PPARD: variants seen among roughly 807,000 people sequenced by gnomAD.
PPARD encodes the protein peroxisome proliferator activated receptor delta.
In PPARD, 6 loss-of-function variants were observed where a neutral mutation model predicts 39.5. The ratio of observed to expected loss-of-function variants is 0.15; its 90% CI spans 0.08 to 0.30. The LOEUF is 0.30. PPARD is among the 10% of genes least tolerant of loss of function. The pLI is 1.00. For synonymous variants in PPARD, 210 were observed against 231.3 expected, an observed-to-expected ratio of 0.91 and a Z score of 0.83; for missense variants, 397 against 596.8, an observed-to-expected ratio of 0.67 and a Z score of 3.49.
chr6:35,372,121 G>T (rs1762510770), intron 2 of PPARD, among the ~76,000 whole-genome samples: 2 of 152,234 alleles, frequency 1.3e-5, no homozygotes, highest in African/African-American at 4.8e-5. Flanking sequence ...ATGGATTGTT[G>T]TGAGAATTAG....
intron 2 of PPARD, among the ~76,000 whole-genome samples, chr6:35,387,879 G>A (rs921579360): frequency 2.0e-5 from 3 of 151,418 alleles, no homozygotes; most frequent in East Asian, 1.9e-4. Flanking sequence ...CCACCACCAC[G>A]CCTGGCTCAT....
intron 2 of PPARD, among the ~76,000 whole-genome samples, chr6:35,408,817 T>C (rs925042995): frequency 6.6e-6 from 1 of 152,250 alleles, no homozygotes; most frequent in Non-Finnish European, 1.5e-5. Flanking sequence ...TTGCAGAGAT[T>C]GTACAGAGTC....
intron 5 of PPARD, among the ~76,000 whole-genome samples, chr6:35,423,551 GAAAAA>G (rs1349985119): frequency 6.6e-6 from 1 of 151,272 alleles, no homozygotes; most frequent in African/African-American, 2.4e-5. Context: ...AAAAAGAAAA[GAAAAA>G]GAAAAGTGAA....
At chr6:35,377,903 C>T (rs902240352) in intron 2 of PPARD, among the ~76,000 whole-genome samples, 4 of 110,830 alleles carry the variant, frequency 3.6e-5, no homozygotes, top group South Asian at 2.7e-4. Flanking sequence ...GTTGCTCTGT[C>T]GCCAGGCTGG....
At chr6:35,416,672 G>C (rs1171272724) in intron 3 of PPARD, among the ~76,000 whole-genome samples, 1 of 152,196 alleles carries the variant, frequency 6.6e-6, no homozygotes, top group East Asian at 1.9e-4. Flanking sequence ...ACATCATGAT[G>C]CGGGGGAAGT....
chr6:35,424,933 C>G lies in PPARD; in HGVS notation c.1078+154C>G, dbSNP rs899918068. 6.2e-6 allele frequency: 9 copies of G among 1,442,648 alleles called. No homozygotes were observed. The African/African-American group carries it at 1.3e-4, about 21-fold the overall frequency. The allele number at this position is 1,442,648 out of a possible 1,614,324, so 89.4% of individuals were successfully genotyped here. A position where few individuals can be genotyped will look rare whatever the true frequency, so the allele number is the denominator to read the frequency against. Reference sequence around the variant, plus strand: ...ACATGCAAGGCACTGACTGAGCATGCAGGATCAGCTCCATCTCATTATGTA... The same window carrying G: ...ACATGCAAGGCACTGACTGAGCATGGAGGATCAGCTCCATCTCATTATGTA... On this transcript the variant is annotated intron_variant, in intron 7 of 7. Transcript: ENST00000360694. The surrounding 1 kb of genome is among the most constrained non-coding windows in gnomAD (Gnocchi z 7.1).
intron 2 of PPARD, among the ~76,000 whole-genome samples, chr6:35,347,620 G>A (rs1420754632): frequency 4.0e-5 from 6 of 151,686 alleles, no homozygotes; most frequent in Non-Finnish European, 7.4e-5. Flanking sequence ...TTGTTTGTTT[G>A]TTTTTGAGAC....
intron 1 of PPARD, among the ~76,000 whole-genome samples, chr6:35,342,977 C>G (rs1274528613): frequency 6.6e-6 from 1 of 152,252 alleles, no homozygotes; most frequent in African/African-American, 2.4e-5. Context: ...ACTCTTTGCC[C>G]CCTCTTGGGC....
Position 35,427,755 on chromosome 6 carries a change from A to C in PPARD, c.*1676A>C, listed in dbSNP as rs969577285. ...GGTAGGAGAACTGGGGTTCAAGCCC[A>C]GGCTTCCTGGGTCCTGCCTGGTCCT... On this transcript the variant is annotated 3_prime_UTR_variant, in exon 8 of 8. Coordinates refer to ENST00000360694, the MANE Select transcript of PPARD (RefSeq NM_006238.5). 1 of 152,552 alleles carries C rather than the reference A, an allele frequency of 6.6e-6. No homozygotes were observed. The highest frequency in any genetic ancestry group is 2.4e-5 in the African/African-American group (1 of 41,468). The allele number at this position is 152,552 out of a possible 1,614,324, so 9.4% of individuals were successfully genotyped here. A position where few individuals can be genotyped will look rare whatever the true frequency, so the allele number is the denominator to read the frequency against.
In PPARD at chr6:35,380,476, G is replaced by GTTTTTTTTTTTTTTTTTTT. The variant is rs71002557; in HGVS notation, c.-101-30499_-101-30481dup. ...AACCTCGTGTTTTTTTTTTTTGTTT[G>GTTTTTTTTTTTTTTTTTTT]TTTTTTTTTTTTTTTTTTTTTTTTT... On this transcript the variant is annotated intron_variant, in intron 2 of 7. Coordinates refer to ENST00000360694, the MANE Select transcript of PPARD (RefSeq NM_006238.5). Among the ~76,000 whole-genome samples the GTTTTTTTTTTTTTTTTTTT allele has an allele frequency of 3.4e-4, 23 of 67,132 alleles. 2 individuals carry two copies. The highest frequency in any genetic ancestry group is 0.014 in the Middle Eastern group (1 of 74). 44.0% of individuals were successfully genotyped at this position (67,132 alleles called of 152,430 possible). A position where few individuals can be genotyped will look rare whatever the true frequency, so the allele number is the denominator to read the frequency against.
chr6:35,426,223 C>G lies in PPARD; in HGVS notation c.*144C>G. 3 of 1,117,892 alleles carry G rather than the reference C, an allele frequency of 2.7e-6. No individual in the cohort carries two copies. Among genetic ancestry groups the G allele is most frequent in the Non-Finnish European group, 3.7e-6 (3 of 803,684 alleles). 69.2% of individuals were successfully genotyped at this position (1,117,892 alleles called of 1,614,324 possible). A position where few individuals can be genotyped will look rare whatever the true frequency, so the allele number is the denominator to read the frequency against. On this transcript the variant is annotated 3_prime_UTR_variant, in exon 8 of 8. Transcript: ENST00000360694. Reference sequence around the variant, plus strand: ...ATCGCCCTCAGACACATGACACCCACGGCCTCTGGCTCCCTGTGCCCTCTC... The same window carrying G: ...ATCGCCCTCAGACACATGACACCCAGGGCCTCTGGCTCCCTGTGCCCTCTC...
Position 35,426,232 on chromosome 6 carries a change from G to T in PPARD, c.*153G>T, listed in dbSNP as rs1006748713. On this transcript the variant is annotated 3_prime_UTR_variant, in exon 8 of 8. Coordinates refer to ENST00000360694, the MANE Select transcript of PPARD (RefSeq NM_006238.5). ...AGACACATGACACCCACGGCCTCTGGCTCCCTGTGCCCTCTCTCCCGCTTC... is the reference window on the plus strand; with the variant it reads ...AGACACATGACACCCACGGCCTCTGTCTCCCTGTGCCCTCTCTCCCGCTTC... 6.9e-6 allele frequency: 7 copies of T among 1,021,616 alleles called. No homozygotes were observed. The highest frequency in any genetic ancestry group is 1.6e-5 in the African/African-American group (1 of 61,582). The allele number at this position is 1,021,616 out of a possible 1,614,324, so 63.3% of individuals were successfully genotyped here. A position where few individuals can be genotyped will look rare whatever the true frequency, so the allele number is the denominator to read the frequency against.
At chr6:35,358,795 TC>T (rs1162909292) in intron 2 of PPARD, among the ~76,000 whole-genome samples, 1 of 152,176 alleles carries the variant, frequency 6.6e-6, no homozygotes, top group African/African-American at 2.4e-5. Flanking sequence ...CCTCTCCTCT[TC>T]CATTTATTCA....
At chr6:35,395,103 G>A (rs755031834) in intron 2 of PPARD, among the ~76,000 whole-genome samples, 1 of 152,190 alleles carries the variant, frequency 6.6e-6, no homozygotes, top group Non-Finnish European at 1.5e-5. Flanking sequence ...AGAGAGGGGG[G>A]TGCCAGGCAT....
At position 35,425,846 on chromosome 6, in the gene PPARD, A is replaced by G; in HGVS notation, c.1093A>G (p.Met365Val). 6.2e-7 allele frequency: 1 copy of G among 1,614,012 alleles called. No homozygotes were observed. The highest frequency in any genetic ancestry group is 8.5e-7 in the Non-Finnish European group (1 of 1,179,990). The change falls in exon 8 of 8, where the codon ATG (methionine) becomes GTG (valine). Residue 365 changes from methionine to valine, a missense_variant. Met to Val is a conservative substitution (Grantham distance 21, BLOSUM62 1). Transcript: ENST00000360694. This position sits in a 1 kb window ranked among gnomAD's most constrained non-coding sequence, Gnocchi z 4.5. ...IILCGDRPGL[M>V]NVPRVEAIQD... ...TGTCCCCACAGACCGGCCAGGCCTC[A>G]TGAACGTTCCACGGGTGGAGGCTAT...
At chr6:35,381,904 A>G (rs1226444039) in intron 2 of PPARD, among the ~76,000 whole-genome samples, 7 of 152,236 alleles carry the variant, frequency 4.6e-5, no homozygotes, top group African/African-American at 1.7e-4. Flanking sequence ...GACATAGATA[A>G]GTAAACAAGT....
At chr6:35,377,798 C>G (rs1222372198) in intron 2 of PPARD, among the ~76,000 whole-genome samples, 1 of 151,732 alleles carries the variant, frequency 6.6e-6, no homozygotes, top group East Asian at 1.9e-4. Context: ...GGAGAGCAGC[C>G]TTTACTCCTT....
At position 35,383,441 on chromosome 6, in the gene PPARD, C is replaced by G. The variant is rs543053314; in HGVS notation, c.-101-27546C>G. On this transcript the variant is annotated intron_variant, in intron 2 of 7. Transcript: ENST00000360694. Reference sequence around the variant, plus strand: ...AAAGTGCTGAGATTGCAGCCTCTGCCCGGCCGCCACCCCGTCTGGGAAGTG... The same window carrying G: ...AAAGTGCTGAGATTGCAGCCTCTGCGCGGCCGCCACCCCGTCTGGGAAGTG... Among the ~76,000 whole-genome samples the G allele has an allele frequency of 4.9e-3, 752 of 152,220 alleles. 2 individuals carry two copies. The highest frequency in any genetic ancestry group is 0.014 in the African/African-American group (590 of 41,472).
At chr6:35,415,778 CTGTGTG>C (rs369825175) in intron 3 of PPARD, among the ~76,000 whole-genome samples, 1 of 143,772 alleles carries the variant, frequency 7.0e-6, no homozygotes, top group Non-Finnish European at 1.5e-5. Flanking sequence ...GAAGGAGAAC[CTGTGTG>C]TGTGTGTGTG....
Sources: allele counts gnomAD v4.1 joint callset (sites outside exome capture counted in the v4.1 genomes callset), GRCh38; gene constraint gnomAD v4.1.1; non-coding constraint Gnocchi (gnomAD v3.1); transcripts MANE v1.5; gene names NCBI Gene and HGNC (gene_info 2026-07-23, HGNC 2026-07-21).